The following GPC5 variants were observed in gnomAD, a reference collection of about 807,000 sequenced individuals.
The protein encoded by GPC5 is glypican-5.
Under a neutral mutation model 53.9 loss-of-function variants are expected in GPC5, and 47 were observed. The observed-to-expected ratio is 0.87, with a 90% CI of 0.69 to 1.11. GPC5 has a LOEUF of 1.11. GPC5 is among the 50% of genes most tolerant of loss of function. GPC5 has a pLI of 0.00. For synonymous variants in GPC5, 286 were observed against 263.3 expected (o/e 1.09, Z -0.84); for missense variants, 748 against 713.1 (o/e 1.05, Z -0.56).
chr13:92,538,486 A>T, intron 7 of GPC5, among the ~76,000 whole-genome samples: 1 of 137,632 alleles, frequency 7.3e-6, no homozygotes, highest in Non-Finnish European at 1.5e-5. Flanking sequence ...ATTACACTTT[A>T]AGTTCTGGGA....
At chr13:91,485,213 CTTTT>C (rs3052562) in intron 2 of GPC5, among the ~76,000 whole-genome samples, 12 of 141,222 alleles carry the variant, frequency 8.5e-5, no homozygotes, top group South Asian at 2.2e-4. Context: ...ATCTTGGTCC[CTTTT>C]TTTTTTTTTT....
intron 7 of GPC5, among the ~76,000 whole-genome samples, chr13:92,541,241 T>A (rs1652012498): frequency 6.6e-6 from 1 of 151,834 alleles, no homozygotes; most frequent in Non-Finnish European, 1.5e-5. Flanking sequence ...AGAAATTGAA[T>A]CCCTTGGGTG....
intron 7 of GPC5, among the ~76,000 whole-genome samples, chr13:92,301,677 A>G (rs958301123): frequency 6.6e-6 from 1 of 152,110 alleles, no homozygotes; most frequent in Non-Finnish European, 1.5e-5. Flanking sequence ...ACATAAGGCC[A>G]GTTGTTCAAG....
At chr13:91,505,905 T>C (rs1258219419) in intron 2 of GPC5, among the ~76,000 whole-genome samples, 1 of 152,218 alleles carries the variant, frequency 6.6e-6, no homozygotes, top group Non-Finnish European at 1.5e-5. Context: ...TCTCAGAGAA[T>C]ACCAAGGTTT....
intron 5 of GPC5, among the ~76,000 whole-genome samples, chr13:91,775,767 G>C (rs1477864921): frequency 6.6e-6 from 1 of 152,178 alleles, no homozygotes; most frequent in Non-Finnish European, 1.5e-5. Flanking sequence ...TTAATCAGTT[G>C]TTTAGATGTC....
chr13:91,632,876 T>C (rs1429711859), intron 2 of GPC5, among the ~76,000 whole-genome samples: 1 of 152,108 alleles, frequency 6.6e-6, no homozygotes, highest in Non-Finnish European at 1.5e-5. Context: ...GTAGTTCAGC[T>C]GAAACCCGTG....
intron 2 of GPC5, among the ~76,000 whole-genome samples, chr13:91,602,994 G>A (rs1479648266): frequency 6.6e-6 from 1 of 152,148 alleles, no homozygotes; most frequent in African/African-American, 2.4e-5. Context: ...GAGGAATGAG[G>A]ACTTTCTCTG....
chr13:91,838,134 A>G (rs2038743130), intron 5 of GPC5, among the ~76,000 whole-genome samples: 1 of 152,196 alleles, frequency 6.6e-6, no homozygotes. Flanking sequence ...ACTTCAAAAG[A>G]AAAACATTTC....
intron 2 of GPC5, among the ~76,000 whole-genome samples, chr13:91,570,495 C>A (rs1383931138): frequency 1.3e-5 from 2 of 152,150 alleles, no homozygotes; most frequent in Admixed American, 1.3e-4. Flanking sequence ...CTGTATTATA[C>A]TTAGAAAATA....
At chr13:92,566,347 A>G (rs1882862939) in intron 7 of GPC5, among the ~76,000 whole-genome samples, 2 of 152,150 alleles carry the variant, frequency 1.3e-5, no homozygotes, top group Admixed American at 6.6e-5. Context: ...TTGATTTAAG[A>G]GAATATTGTT....
chr13:91,759,147 C>T (rs375890381), intron 5 of GPC5, among the ~76,000 whole-genome samples: 40 of 152,138 alleles, frequency 2.6e-4, no homozygotes, highest in South Asian at 6.2e-4. Context: ...TTCTATTTGA[C>T]GACGAGAAAA....
intron 6 of GPC5, among the ~76,000 whole-genome samples, chr13:91,944,106 T>A (rs1215237612): frequency 6.6e-6 from 1 of 152,062 alleles, no homozygotes; most frequent in East Asian, 1.9e-4. Context: ...TTTCTTTCTT[T>A]TTTTTTTAAG....
chr13:92,229,694 C>T (rs983922716), intron 7 of GPC5, among the ~76,000 whole-genome samples: 1 of 152,086 alleles, frequency 6.6e-6, no homozygotes, highest in East Asian at 1.9e-4. Context: ...GCCGAAACCA[C>T]ATTTTATTAT....
intron 2 of GPC5, among the ~76,000 whole-genome samples, chr13:91,565,151 G>A (rs968134888): frequency 7.2e-5 from 11 of 151,928 alleles, no homozygotes; most frequent in Non-Finnish European, 1.5e-5. Flanking sequence ...CACCACGCCT[G>A]GCTAAGTTTT....
intron 1 of GPC5, among the ~76,000 whole-genome samples, chr13:91,434,555 G>T (rs560196026): frequency 1.3e-5 from 2 of 152,040 alleles, no homozygotes; most frequent in Non-Finnish European, 2.9e-5. Flanking sequence ...TGTTCCATTG[G>T]TCTATATCTC....
intron 1 of GPC5, among the ~76,000 whole-genome samples, chr13:91,428,916 T>G (rs1196370005): frequency 1.3e-5 from 2 of 152,106 alleles, no homozygotes; most frequent in East Asian, 1.9e-4. Flanking sequence ...ATCTGGGTTT[T>G]GTTTTGTTTT....
intron 7 of GPC5, among the ~76,000 whole-genome samples, chr13:92,545,969 G>A (rs944589291): frequency 2.2e-4 from 34 of 151,934 alleles, no homozygotes; most frequent in Admixed American, 9.8e-4. Context: ...CATTGCTTTC[G>A]GTGTTTTAGA....
intron 7 of GPC5, among the ~76,000 whole-genome samples, chr13:92,310,832 T>C (rs953765964): frequency 6.6e-6 from 1 of 152,136 alleles, no homozygotes; most frequent in Non-Finnish European, 1.5e-5. Flanking sequence ...GATTATAGGG[T>C]AAAAATATTG....
chr13:91,601,985 C>G (rs562643571), intron 2 of GPC5, among the ~76,000 whole-genome samples: 1 of 152,300 alleles, frequency 6.6e-6, no homozygotes, highest in South Asian at 2.1e-4. Context: ...TCTTCAAGCT[C>G]TCTTCACTGT....
Sources: gnomAD v4.1 joint callset for allele counts (sites outside exome capture counted in the v4.1 genomes callset) on GRCh38, gnomAD v4.1.1 for gene constraint, MANE v1.5 for transcripts, NCBI Gene and HGNC (gene_info 2026-07-23, HGNC 2026-07-21) for gene names.